Variants in CAMTA1 observed in about 807,000 individuals in gnomAD.
CAMTA1 encodes calmodulin binding transcription activator 1.
CAMTA1 carries 27 observed loss-of-function variants against 170.9 expected under a neutral mutation model. That is an observed-to-expected ratio of 0.16 (90% CI 0.12 to 0.22). CAMTA1 has a LOEUF of 0.22. Ranked by LOEUF, CAMTA1 falls within the 10% of genes least tolerant of loss-of-function variation. The probability of loss-of-function intolerance (pLI) is 1.00; values close to 1 mark genes in which losing one functional copy is unlikely to be tolerated. For missense variants in CAMTA1, 1,619 were observed against 2,217.2 expected (o/e 0.73, Z 5.42); for synonymous variants, 833 against 891.5 (o/e 0.93, Z 1.17).
intron 5 of CAMTA1, among the ~76,000 whole-genome samples, chr1:7,348,813 C>T (rs921649283): frequency 2.0e-5 from 3 of 152,176 alleles, no homozygotes; most frequent in Non-Finnish European, 2.9e-5. Flanking sequence ...GGGCCACCCA[C>T]GTTCACTGTA....
intron 5 of CAMTA1, among the ~76,000 whole-genome samples, chr1:7,432,220 C>A (rs1488130573): frequency 6.6e-6 from 1 of 152,202 alleles, no homozygotes; most frequent in Non-Finnish European, 1.5e-5. Flanking sequence ...CTCTTTTAAG[C>A]CTCACCCAGC....
intron 4 of CAMTA1, among the ~76,000 whole-genome samples, chr1:7,163,801 C>A (rs754948259): frequency 1.5e-4 from 23 of 152,270 alleles, no homozygotes; most frequent in Non-Finnish European, 2.4e-4. Context: ...GTGCGGGGAG[C>A]AGGCCAGGGA....
At chr1:7,509,831 C>T (rs1046352995) in intron 6 of CAMTA1, among the ~76,000 whole-genome samples, 4 of 151,968 alleles carry the variant, frequency 2.6e-5, no homozygotes, top group Admixed American at 6.6e-5. Context: ...CATGGGGCCT[C>T]CCCTTGCCAG....
chr1:7,352,362 C>G (rs936680777), intron 5 of CAMTA1, among the ~76,000 whole-genome samples: 3 of 152,182 alleles, frequency 2.0e-5, no homozygotes, highest in African/African-American at 7.2e-5. Context: ...TGTGCCTTGG[C>G]ACCCCCTAGA....
chr1:7,532,493 G>A lies in CAMTA1; in HGVS notation c.510+64592G>A, dbSNP rs887024930. On this transcript the variant is annotated intron_variant, in intron 6 of 22. Transcript: ENST00000303635. The surrounding 1 kb of genome is among the most constrained non-coding windows in gnomAD (Gnocchi z 4.2). ...ATTTTATGTTTGTTTTAGGGACGGG[G>A]CTCTTACCATGTTGCCCAGGTTGGT... Among the ~76,000 whole-genome samples, 2 of 151,884 alleles carry A rather than the reference G, an allele frequency of 1.3e-5. No homozygotes were observed. Among genetic ancestry groups the A allele is most frequent in the Non-Finnish European group, 2.9e-5 (2 of 68,012 alleles).
chr1:7,087,857 T>C (rs1391230560), intron 3 of CAMTA1, among the ~76,000 whole-genome samples: 1 of 152,206 alleles, frequency 6.6e-6, no homozygotes, highest in African/African-American at 2.4e-5. Flanking sequence ...CACTCTGAAT[T>C]TGGATGGCTT....
At chr1:7,598,062 T>C (rs1350333293) in intron 6 of CAMTA1, among the ~76,000 whole-genome samples, 1 of 151,832 alleles carries the variant, frequency 6.6e-6, no homozygotes, top group African/African-American at 2.4e-5. Flanking sequence ...ATTAGGTATA[T>C]CTCCTAATGC....
intron 5 of CAMTA1, among the ~76,000 whole-genome samples, chr1:7,466,665 T>C (rs1181379089): frequency 6.6e-6 from 1 of 152,158 alleles, no homozygotes; most frequent in African/African-American, 2.4e-5. Flanking sequence ...CTGGCAGATG[T>C]CCTGTGTGGC....
At chr1:7,717,390 C>T (rs916845924) in intron 11 of CAMTA1, among the ~76,000 whole-genome samples, 7 of 152,088 alleles carry the variant, frequency 4.6e-5, no homozygotes, top group African/African-American at 9.7e-5. Flanking sequence ...CTTTCCACAA[C>T]GTTCATGTAC....
rs188438127 is a variant in CAMTA1 at position 7,235,755 on chromosome 1, G to A, written c.303-13736G>A. Among the ~76,000 whole-genome samples the A allele has an allele frequency of 3.5e-3, 532 of 152,364 alleles. 6 individuals are homozygous for A. Among genetic ancestry groups the A allele is most frequent in the Non-Finnish European group, 4.5e-3 (308 of 68,046 alleles). The stretch of plus-strand genomic sequence containing the variant: ...AGCAATCACGGCCGTCTGGTGGCTT[G>A]TGGGGGGCTTTTAGGCCGACAAATC... On this transcript the variant is annotated intron_variant, in intron 4 of 22. Transcript: ENST00000303635.
chr1:7,278,992 TGAG>T (rs2149445513), intron 5 of CAMTA1, among the ~76,000 whole-genome samples: 1 of 150,756 alleles, frequency 6.6e-6, no homozygotes, highest in South Asian at 2.1e-4. Context: ...GGGAGGGCCA[TGAG>T]GAGAAGGGGA....
At chr1:7,340,916 C>T (rs1211572415) in intron 5 of CAMTA1, among the ~76,000 whole-genome samples, 2 of 152,186 alleles carry the variant, frequency 1.3e-5, no homozygotes, top group African/African-American at 4.8e-5. Context: ...AGTCCACAAA[C>T]CAAAGGAGTG....
At chr1:7,319,793 T>A (rs557252890) in intron 5 of CAMTA1, among the ~76,000 whole-genome samples, 51 of 152,340 alleles carry the variant, frequency 3.3e-4, no homozygotes, top group African/African-American at 1.2e-3. Flanking sequence ...AAACAAAGCG[T>A]AAAGTTTGTG....
intron 1 of CAMTA1, among the ~76,000 whole-genome samples, chr1:6,815,717 G>C (rs1645720069): frequency 6.6e-6 from 1 of 152,192 alleles, no homozygotes; most frequent in Non-Finnish European, 1.5e-5. Flanking sequence ...TCTAATTCCT[G>C]ATCTTTTAGT....
intron 6 of CAMTA1, among the ~76,000 whole-genome samples, chr1:7,517,800 C>T (rs1267948355): frequency 6.6e-6 from 1 of 151,938 alleles, no homozygotes; most frequent in African/African-American, 2.4e-5. Flanking sequence ...GATGTACTTT[C>T]GGAGTACACC....
intron 3 of CAMTA1, among the ~76,000 whole-genome samples, chr1:7,051,041 T>G (rs976431112): frequency 5.2e-4 from 79 of 152,246 alleles, no homozygotes; most frequent in African/African-American, 1.7e-3. Flanking sequence ...AGTCAGCCCC[T>G]TTATGTTTTG....
chr1:7,709,146 C>T (rs762947338), intron 11 of CAMTA1, among the ~76,000 whole-genome samples: 1 of 152,156 alleles, frequency 6.6e-6, no homozygotes, highest in South Asian at 2.1e-4. Context: ...TTGAGCCTCA[C>T]TCAAGTCTTA....
chr1:7,154,961 C>T (rs1646779206), intron 4 of CAMTA1, among the ~76,000 whole-genome samples: 1 of 152,218 alleles, frequency 6.6e-6, no homozygotes, highest in Non-Finnish European at 1.5e-5. Context: ...TGCGTGTGCA[C>T]ATCCTTCATT....
intron 4 of CAMTA1, among the ~76,000 whole-genome samples, chr1:7,106,028 G>T (rs1466222004): frequency 1.3e-5 from 2 of 152,078 alleles, no homozygotes; most frequent in Non-Finnish European, 2.9e-5. Context: ...GTTAACTACA[G>T]TTTCAGTTTT....
Sources: allele counts gnomAD v4.1 joint callset (sites outside exome capture counted in the v4.1 genomes callset), GRCh38; gene constraint gnomAD v4.1.1; non-coding constraint Gnocchi (gnomAD v3.1); transcripts MANE v1.5; gene names NCBI Gene and HGNC (gene_info 2026-07-23, HGNC 2026-07-21).